Variants in CSMD1 observed in about 807,000 individuals in gnomAD.
CSMD1 encodes CUB and sushi domain-containing protein 1.
A neutral mutation model predicts 417.5 loss-of-function variants in CSMD1; 213 were observed. The ratio of observed to expected loss-of-function variants is 0.51; its 90% CI spans 0.46 to 0.57. The LOEUF (loss-of-function observed/expected upper bound fraction) is 0.57. CSMD1 is among the 20% of genes least tolerant of loss of function. The pLI is 0.00. For synonymous variants in CSMD1, 2,862 were observed against 1,736.8 expected (o/e 1.65, Z -16.11); for missense variants, 6,923 against 4,529.7 (o/e 1.53, Z -15.17).
At chr8:3,182,703 G>A (rs1193414376) in intron 36 of CSMD1, among the ~76,000 whole-genome samples, 1 of 127,686 alleles carries the variant, frequency 7.8e-6, no homozygotes, top group Non-Finnish European at 1.7e-5. Flanking sequence ...GTATGTGTGT[G>A]TATTGTTAGT....
chr8:4,975,223 T>C (rs1265104744), intron 1 of CSMD1, among the ~76,000 whole-genome samples: 1 of 152,108 alleles, frequency 6.6e-6, no homozygotes, highest in Non-Finnish European at 1.5e-5. Context: ...GTTATGAAAA[T>C]ATCAGAAAAA....
chr8:3,359,487 A>G (rs1472440114), intron 20 of CSMD1, 147 bp from the exon 21 acceptor site: 1 of 605,320 alleles, frequency 1.7e-6, no homozygotes, highest in Non-Finnish European at 2.7e-6. Flanking sequence ...TGTTACGTGC[A>G]TTTTTTTTCT....
chr8:4,380,864 A>G (rs1463986448), intron 3 of CSMD1, among the ~76,000 whole-genome samples: 1 of 152,150 alleles, frequency 6.6e-6, no homozygotes. Flanking sequence ...TTATTAGTAT[A>G]TTACTATACT....
chr8:4,153,722 C>A (rs1248829421), intron 3 of CSMD1, among the ~76,000 whole-genome samples: 1 of 152,202 alleles, frequency 6.6e-6, no homozygotes, highest in Non-Finnish European at 1.5e-5. Context: ...ATATAAGAAC[C>A]CATGCAGTGG....
At chr8:2,989,408 G>A (rs1232989597) in intron 54 of CSMD1, among the ~76,000 whole-genome samples, 1 of 152,206 alleles carries the variant, frequency 6.6e-6, no homozygotes, top group African/African-American at 2.4e-5. Context: ...GACAGCTAGG[G>A]ATGATCCAGG....
At chr8:3,116,050 T>C (rs1177930904) in intron 42 of CSMD1, among the ~76,000 whole-genome samples, 1 of 152,212 alleles carries the variant, frequency 6.6e-6, no homozygotes, top group Non-Finnish European at 1.5e-5. Flanking sequence ...GCCATATAAC[T>C]GTAACTAATA....
At chr8:3,154,818 T>G (rs938459920) in intron 39 of CSMD1, among the ~76,000 whole-genome samples, 1 of 152,170 alleles carries the variant, frequency 6.6e-6, no homozygotes, top group Non-Finnish European at 1.5e-5. Context: ...ACTTTTATTT[T>G]TCAAAATTAG....
intron 7 of CSMD1, among the ~76,000 whole-genome samples, chr8:3,679,289 C>T (rs1346125077): frequency 1.3e-5 from 2 of 152,082 alleles, no homozygotes; most frequent in Admixed American, 6.6e-5. Flanking sequence ...TCAGGAAACC[C>T]ATCTCATGTG....
chr8:4,123,214 G>C (rs185317189), intron 3 of CSMD1, among the ~76,000 whole-genome samples: 27 of 152,304 alleles, frequency 1.8e-4, no homozygotes, highest in African/African-American at 5.8e-4. Flanking sequence ...ATTCCTTAGA[G>C]CCAAGTTCAC....
chr8:3,469,061 A>G, intron 11 of CSMD1: 1 of 373,130 alleles, frequency 2.7e-6, no homozygotes, highest in Non-Finnish European at 4.8e-6. Context: ...TTTTCTTTTA[A>G]AAAATCAATT....
chr8:4,276,250 T>A (rs529464085), intron 3 of CSMD1, among the ~76,000 whole-genome samples: 19 of 152,110 alleles, frequency 1.2e-4, no homozygotes, highest in African/African-American at 2.9e-4. Flanking sequence ...GACTGAATTT[T>A]AAAAAAAATG....
At chr8:4,461,616 T>C (rs930386656) in intron 2 of CSMD1, among the ~76,000 whole-genome samples, 3 of 151,962 alleles carry the variant, frequency 2.0e-5, no homozygotes, top group African/African-American at 7.2e-5. Flanking sequence ...AGTGGTACAA[T>C]CTCAGCCCAC....
chr8:4,645,193 C>T (rs1052761545), intron 1 of CSMD1, among the ~76,000 whole-genome samples: 4 of 152,020 alleles, frequency 2.6e-5, no homozygotes, highest in African/African-American at 9.7e-5. Flanking sequence ...GGCATCTCTG[C>T]TTTTTCCTTC....
chr8:3,756,235 C>G (rs895365007), intron 5 of CSMD1, among the ~76,000 whole-genome samples: 2 of 151,758 alleles, frequency 1.3e-5, no homozygotes, highest in Non-Finnish European at 2.9e-5. Context: ...CGCCTGTAGT[C>G]CCAGCTACTC....
intron 2 of CSMD1, among the ~76,000 whole-genome samples, chr8:4,590,909 A>G (rs1406946766): frequency 6.6e-6 from 1 of 152,234 alleles, no homozygotes; most frequent in Non-Finnish European, 1.5e-5. Flanking sequence ...CTGTGATACA[A>G]CAATGCTCTC....
At chr8:4,174,374 T>C (rs992550372) in intron 3 of CSMD1, among the ~76,000 whole-genome samples, 1 of 152,108 alleles carries the variant, frequency 6.6e-6, no homozygotes, top group East Asian at 1.9e-4. Context: ...AGCAAGTCAT[T>C]TGCGCAAGGC....
intron 1 of CSMD1, among the ~76,000 whole-genome samples, chr8:4,742,326 G>C (rs960533241): frequency 2.0e-5 from 3 of 151,832 alleles, no homozygotes; most frequent in Non-Finnish European, 4.4e-5. Flanking sequence ...CACTGCACCT[G>C]ACCAAGGCTG....
chr8:3,904,567 G>A (rs1396327733), intron 5 of CSMD1, among the ~76,000 whole-genome samples: 1 of 152,104 alleles, frequency 6.6e-6, no homozygotes, highest in Admixed American at 6.5e-5. Context: ...ACACTTTGGA[G>A]AGTTGGGAAT....
At chr8:4,040,355 C>T (rs1257085717) in intron 3 of CSMD1, among the ~76,000 whole-genome samples, 3 of 152,136 alleles carry the variant, frequency 2.0e-5, no homozygotes, top group Non-Finnish European at 4.4e-5. Context: ...TTATTATGCC[C>T]ATTTTAAACA....
Sources: allele counts gnomAD v4.1 joint callset (sites outside exome capture counted in the v4.1 genomes callset), GRCh38; gene constraint gnomAD v4.1.1; transcripts MANE v1.5; gene names NCBI Gene and HGNC (gene_info 2026-07-23, HGNC 2026-07-21).